The following NFIA variants were observed in gnomAD, a reference collection of about 807,000 sequenced individuals.
NFIA encodes the protein nuclear factor I A, also known as nuclear factor 1 A-type.
A neutral mutation model predicts 62.8 loss-of-function variants in NFIA; 8 were observed. That is an observed-to-expected ratio of 0.13 (90% CI 0.07 to 0.23). The LOEUF (loss-of-function observed/expected upper bound fraction) is 0.23. Ranked by LOEUF, NFIA falls within the 10% of genes least tolerant of loss-of-function variation. The pLI is 1.00. For missense variants in NFIA, 410 were observed against 642.1 expected, an observed-to-expected ratio of 0.64 and a Z score of 3.91; for synonymous variants, 235 against 238.1, an observed-to-expected ratio of 0.99 and a Z score of 0.12.
intron 2 of NFIA, among the ~76,000 whole-genome samples, chr1:61,130,961 A>C (rs1238641693): frequency 2.0e-5 from 3 of 152,192 alleles, no homozygotes; most frequent in Non-Finnish European, 4.4e-5. Flanking sequence ...CTCAAGGCAC[A>C]AAAGGTAGCT....
intron 9 of NFIA, among the ~76,000 whole-genome samples, chr1:61,420,060 A>G (rs1276777999): frequency 6.6e-6 from 1 of 152,210 alleles, no homozygotes; most frequent in East Asian, 1.9e-4. Flanking sequence ...CCATTCCATC[A>G]TGTGGGGGTT....
intron 2 of NFIA, among the ~76,000 whole-genome samples, chr1:61,102,032 A>G (rs967549056): frequency 2.2e-4 from 34 of 152,226 alleles, no homozygotes; most frequent in Non-Finnish European, 8.8e-5. Flanking sequence ...TTCTCCATTC[A>G]TTAATACGTG....
At chr1:61,232,698 G>GT (rs1406042094) in intron 2 of NFIA, among the ~76,000 whole-genome samples, 13 of 151,986 alleles carry the variant, frequency 8.6e-5, no homozygotes, top group South Asian at 4.2e-4. Context: ...TGTGACAGGA[G>GT]TTTTTTTTAA....
At chr1:61,441,331 G>GTGTGTCTGTC (rs1360188951) in intron 10 of NFIA, among the ~76,000 whole-genome samples, 65 of 142,448 alleles carry the variant, frequency 4.6e-4, no homozygotes, top group African/African-American at 1.5e-3. Flanking sequence ...GTGTGTGTGT[G>GTGTGTCTGTC]TGTCTGTCTG....
At chr1:61,343,429 A>G (rs1043581905) in intron 4 of NFIA, among the ~76,000 whole-genome samples, 4 of 152,152 alleles carry the variant, frequency 2.6e-5, no homozygotes, top group African/African-American at 9.7e-5. Context: ...ATATTCCTTA[A>G]CATGTGTTCA....
At chr1:61,362,624 C>T (rs1663359257) in intron 6 of NFIA, among the ~76,000 whole-genome samples, 1 of 152,104 alleles carries the variant, frequency 6.6e-6, no homozygotes, top group South Asian at 2.1e-4. Context: ...TATCCTGTTC[C>T]CCATTAGTTT....
At chr1:61,310,906 G>C (rs1005949482) in intron 3 of NFIA, among the ~76,000 whole-genome samples, 1 of 152,076 alleles carries the variant, frequency 6.6e-6, no homozygotes, top group African/African-American at 2.4e-5. Context: ...TGAGCCCACT[G>C]TGTGCTCTTT....
chr1:61,217,692 G>A (rs1653722704), intron 2 of NFIA, among the ~76,000 whole-genome samples: 1 of 152,156 alleles, frequency 6.6e-6, no homozygotes, highest in Non-Finnish European at 1.5e-5. Context: ...CCCCATACAT[G>A]ATTAACCTTT....
At chr1:61,336,049 T>G (rs899771379) in intron 4 of NFIA, among the ~76,000 whole-genome samples, 11 of 152,178 alleles carry the variant, frequency 7.2e-5, no homozygotes, top group Non-Finnish European at 1.5e-4. Flanking sequence ...TCCCTTTTTA[T>G]AGATGGAGTC....
intron 2 of NFIA, among the ~76,000 whole-genome samples, chr1:61,250,813 T>C (rs1655980478): frequency 6.6e-6 from 1 of 152,226 alleles, no homozygotes; most frequent in South Asian, 2.1e-4. Flanking sequence ...AGGACTTTAC[T>C]ACAGGATAAC....
intron 4 of NFIA, among the ~76,000 whole-genome samples, chr1:61,345,756 C>A (rs888054247): frequency 6.6e-6 from 1 of 152,134 alleles, no homozygotes; most frequent in Non-Finnish European, 1.5e-5. Context: ...AGTTTCACTC[C>A]GAAATCACCC....
intron 3 of NFIA, among the ~76,000 whole-genome samples, chr1:61,317,081 T>G (rs1660403902): frequency 6.6e-6 from 1 of 152,156 alleles, no homozygotes; most frequent in African/African-American, 2.4e-5. Context: ...GATTTCTAAA[T>G]TAAATAAATT....
intron 2 of NFIA, among the ~76,000 whole-genome samples, chr1:61,164,611 C>T (rs1020172000): frequency 1.4e-4 from 21 of 152,194 alleles, no homozygotes; most frequent in Non-Finnish European, 1.9e-4. Context: ...AGCCGCCCGC[C>T]GCCACGCCCG....
chr1:61,148,884 A>G (rs943012417), intron 2 of NFIA, among the ~76,000 whole-genome samples: 3 of 152,064 alleles, frequency 2.0e-5, no homozygotes, highest in African/African-American at 7.2e-5. Context: ...TCTTTTTTTC[A>G]AAATTAGAGA....
chr1:61,242,360 T>C (rs1655398849), intron 2 of NFIA, among the ~76,000 whole-genome samples: 1 of 152,138 alleles, frequency 6.6e-6, no homozygotes, highest in Non-Finnish European at 1.5e-5. Flanking sequence ...ATAATGTGCT[T>C]GGATTCCAAG....
chr1:61,456,154 A>G lies in NFIA; in HGVS notation c.*834A>G, dbSNP rs1207904748. Reference sequence around the variant, plus strand: ...GAAACTGACAGGAATCAATCAAAACAATCGAATTTTGAATTGAGTAAAGTG... The same window carrying G: ...GAAACTGACAGGAATCAATCAAAACGATCGAATTTTGAATTGAGTAAAGTG... On this transcript the variant is annotated 3_prime_UTR_variant, in exon 11 of 11. Coordinates refer to ENST00000403491, the MANE Select transcript of NFIA (RefSeq NM_001134673.4). The G allele has an allele frequency of 1.3e-5, 2 of 152,674 alleles. No individual in the cohort carries two copies. The highest frequency in any genetic ancestry group is 2.9e-5 in the Non-Finnish European group (2 of 68,044). The allele number at this position is 152,674 out of a possible 1,614,324, so 9.5% of individuals were successfully genotyped here.
At chr1:61,140,449 C>G (rs906755438) in intron 2 of NFIA, among the ~76,000 whole-genome samples, 2 of 151,824 alleles carry the variant, frequency 1.3e-5, no homozygotes, top group Admixed American at 6.6e-5. Flanking sequence ...TTTTGTACTC[C>G]AGAATAAGAA....
At chr1:61,354,260 T>A (rs1447353261) in intron 5 of NFIA, among the ~76,000 whole-genome samples, 2 of 152,216 alleles carry the variant, frequency 1.3e-5, no homozygotes, top group Non-Finnish European at 2.9e-5. Flanking sequence ...CCCGGTAATA[T>A]GTTTGTTTTA....
chr1:61,257,159 T>G (rs1268558401), intron 2 of NFIA, among the ~76,000 whole-genome samples: 1 of 152,014 alleles, frequency 6.6e-6, no homozygotes, highest in Non-Finnish European at 1.5e-5. Context: ...GCGTTTTACC[T>G]CAGGTACCCA....
Sources: allele counts gnomAD v4.1 joint callset (sites outside exome capture counted in the v4.1 genomes callset), GRCh38; gene constraint gnomAD v4.1.1; transcripts MANE v1.5; gene names NCBI Gene and HGNC (gene_info 2026-07-23, HGNC 2026-07-21).